Variants in PIP5K1C observed in about 807,000 individuals in gnomAD.
The protein encoded by PIP5K1C is phosphatidylinositol 4-phosphate 5-kinase type-1 gamma.
Under a neutral mutation model 80.1 loss-of-function variants are expected in PIP5K1C, and 45 were observed. The ratio of observed to expected loss-of-function variants is 0.56; its 90% CI spans 0.44 to 0.72. The LOEUF is 0.72. Ranked by LOEUF, PIP5K1C falls within the 30% of genes least tolerant of loss-of-function variation. The pLI is 0.00. For missense variants in PIP5K1C, 753 were observed against 954.6 expected, an observed-to-expected ratio of 0.79 and a Z score of 2.78; for synonymous variants, 498 against 420.1, an observed-to-expected ratio of 1.19 and a Z score of -2.27.
chr19:3,699,550 C>T (rs1272838269), intron 1 of PIP5K1C, among the ~76,000 whole-genome samples: 2 of 152,158 alleles, frequency 1.3e-5, no homozygotes, highest in Non-Finnish European at 2.9e-5. Context: ...TTTGTGAATC[C>T]GGAAACTTCC....
chr19:3,692,683 C>T lies in PIP5K1C; in HGVS notation c.94+7614G>A, dbSNP rs963132970. On this transcript the variant is annotated intron_variant, in intron 1 of 17. Transcript: ENST00000335312. The surrounding 1 kb of genome is among the most constrained non-coding windows in gnomAD (Gnocchi z 5.2). ...ACCCCATCTGTCCTCCCCACAGCAG[C>T]CACCAGGGGGTGCCTGTGAGCTCCT... Among the ~76,000 whole-genome samples, 52 of 152,040 alleles carry T rather than the reference C, an allele frequency of 3.4e-4. No homozygotes were observed. Among genetic ancestry groups the T allele is most frequent in the Admixed American group, 3.2e-3 (49 of 15,270 alleles).
intron 1 of PIP5K1C, among the ~76,000 whole-genome samples, chr19:3,667,589 A>G (rs111366710): frequency 8.1e-4 from 124 of 152,348 alleles, no homozygotes; most frequent in African/African-American, 2.9e-3. Flanking sequence ...ACTGGGGCCT[A>G]GAGCAGGGGA....
At position 3,652,496 on chromosome 19, in the gene PIP5K1C, G is replaced by A. The variant is rs576759276; in HGVS notation, c.922-465C>T. ...AGTTCTCAAAGGGGTCGGGGAGCTG[G>A]GGATGGTCAGCAGCGGGGCCTGGGT... is the stretch of plus-strand genomic sequence containing the variant. On this transcript the variant is annotated intron_variant, in intron 7 of 17. Coordinates refer to ENST00000335312, the MANE Select transcript of PIP5K1C (RefSeq NM_012398.3). Among the ~76,000 whole-genome samples the A allele has an allele frequency of 4.7e-4, 72 of 152,312 alleles. No individual in the cohort carries two copies. In the South Asian group the frequency reaches 4.8e-3, roughly 10 times the overall value.
chr19:3,645,942 C>T lies in PIP5K1C; in HGVS notation c.1345+32G>A, dbSNP rs373302676. Reference sequence around the variant, plus strand: ...CGGCGCTCTGGGCCTTCCCCAGGGTCCCTCCCGCCTTGCGGGGCTCAGGTG... The same window carrying T: ...CGGCGCTCTGGGCCTTCCCCAGGGTTCCTCCCGCCTTGCGGGGCTCAGGTG... On this transcript the variant is annotated intron_variant, in intron 11 of 17. Coordinates refer to ENST00000335312, the MANE Select transcript of PIP5K1C (RefSeq NM_012398.3). The T allele has an allele frequency of 4.8e-4, 757 of 1,566,412 alleles. 1 individual carries two copies. Among genetic ancestry groups the T allele is most frequent in the Non-Finnish European group, 6.3e-4 (720 of 1,137,200 alleles).
At chr19:3,672,787 G>A (rs530537668) in intron 1 of PIP5K1C, among the ~76,000 whole-genome samples, 5 of 152,284 alleles carry the variant, frequency 3.3e-5, no homozygotes, top group African/African-American at 1.2e-4. Context: ...GGCACCTGCA[G>A]GGCACTGTGA....
chr19:3,643,174 T>A, intron 13 of PIP5K1C, 69 bp downstream of exon 13: 2 of 1,601,440 alleles, frequency 1.2e-6, no homozygotes, highest in South Asian at 1.1e-5. Flanking sequence ...CCCGCCCACA[T>A]GCAGTGAATG....
intron 1 of PIP5K1C, among the ~76,000 whole-genome samples, chr19:3,695,955 T>C (rs1445559103): frequency 1.3e-5 from 2 of 152,074 alleles, no homozygotes; most frequent in Non-Finnish European, 2.9e-5. Flanking sequence ...GGTCTCAAAC[T>C]CCTGAGATCA....
At chr19:3,699,058 T>A (rs1174290889) in intron 1 of PIP5K1C, among the ~76,000 whole-genome samples, 4 of 151,410 alleles carry the variant, frequency 2.6e-5, no homozygotes, top group Non-Finnish European at 4.4e-5. Flanking sequence ...GCGGTGTGGT[T>A]TTCTTTTGGT....
rs1346528178 is a variant in PIP5K1C, at chr19:3,643,308, CAG to C, written c.1582_1583del (p.Leu528ValfsTer9). The part of the protein sequence containing the change: ...EATTASIATT[L>X]SSTSLSIPER... ...CAGGAATGGAGAGGGATGTGGATGA[CAG>C]AGTCGTGGCAATGGAGGCTGTAGTG... On this transcript the variant is annotated frameshift_variant, in exon 13 of 18. Coordinates refer to ENST00000335312, the MANE Select transcript of PIP5K1C (RefSeq NM_012398.3). LOFTEE classifies it high-confidence loss of function. The C allele has an allele frequency of 2.5e-6, 4 of 1,614,024 alleles. No homozygotes were observed. Among genetic ancestry groups the C allele is most frequent in the African/African-American group, 1.3e-5 (1 of 75,038 alleles).
rs2034519362 is a variant in PIP5K1C, at chr19:3,653,403, TCTC to T, written c.805_807del (p.Glu269del). ...AGGTCCTTGTAGGTGGGGAAGCTCTTCTCCTTCTCCTTCTTGCTGGCGCGCCGC... is the reference window on the plus strand; with the variant it reads ...AGGTCCTTGTAGGTGGGGAAGCTCTTCTTCTCCTTCTTGCTGGCGCGCCGC... On this transcript the variant is annotated inframe_deletion, in exon 7 of 18. Coordinates refer to ENST00000335312, the MANE Select transcript of PIP5K1C (RefSeq NM_012398.3). 2 of 1,613,188 alleles carry T rather than the reference TCTC, an allele frequency of 1.2e-6. No individual in the cohort carries two copies. Among genetic ancestry groups the T allele is most frequent in the Non-Finnish European group, 1.7e-6 (2 of 1,180,018 alleles).
intron 1 of PIP5K1C, among the ~76,000 whole-genome samples, chr19:3,691,251 G>C (rs952087350): frequency 6.6e-6 from 1 of 152,194 alleles, no homozygotes; most frequent in Non-Finnish European, 1.5e-5. Flanking sequence ...CGCGTCCTCC[G>C]CTGCCGGAAC....
intron 6 of PIP5K1C, among the ~76,000 whole-genome samples, chr19:3,654,333 C>T (rs1452162291): frequency 6.6e-6 from 1 of 152,230 alleles, no homozygotes. Context: ...TGCCCAGAGC[C>T]TCTCAATGAC....
chr19:3,631,127 T>C lies in PIP5K1C; in HGVS notation c.*2040A>G, dbSNP rs2033457434. 2 of 152,288 alleles carry C rather than the reference T, an allele frequency of 1.3e-5. No individual in the cohort carries two copies. Among genetic ancestry groups the C allele is most frequent in the Admixed American group, 1.3e-4 (2 of 15,290 alleles). 9.4% of individuals were successfully genotyped at this position (152,288 alleles called of 1,614,324 possible). On this transcript the variant is annotated 3_prime_UTR_variant, in exon 18 of 18. Coordinates refer to ENST00000335312, the MANE Select transcript of PIP5K1C (RefSeq NM_012398.3). Reference sequence around the variant, plus strand: ...CTGCAAAGGCGCGTCGGCCGGGCACTGGTGTCCCGTGTCACTCAGCGGAGG... The same window carrying C: ...CTGCAAAGGCGCGTCGGCCGGGCACCGGTGTCCCGTGTCACTCAGCGGAGG...
At chr19:3,642,815 G>A in intron 14 of PIP5K1C, 92 bp downstream of exon 14, 1 of 991,616 alleles carries the variant, frequency 1.0e-6, no homozygotes, top group Middle Eastern at 2.1e-4. Context: ...AGAATGGGCA[G>A]AGAGCAGAGG....
At chr19:3,666,797 GTGCACACACGCACGCAGGCAAACA>G (rs2035027402) in intron 2 of PIP5K1C, among the ~76,000 whole-genome samples, 1 of 150,334 alleles carries the variant, frequency 6.7e-6, no homozygotes, top group Admixed American at 6.6e-5. Context: ...ACACACAAAC[GTGCACACACGCACGCAGGCAAACA>G]TGCACACATA....
intron 17 of PIP5K1C, 26 bp downstream of exon 17, chr19:3,633,411 G>C: frequency 5.6e-6 from 8 of 1,416,996 alleles, no homozygotes; most frequent in Non-Finnish European, 7.5e-6. Flanking sequence ...CCACGGGACC[G>C]GCGGGTGCAC....
chr19:3,693,886 T>C lies in PIP5K1C; in HGVS notation c.94+6411A>G, dbSNP rs35730100. On this transcript the variant is annotated intron_variant, in intron 1 of 17. Coordinates refer to ENST00000335312, the MANE Select transcript of PIP5K1C (RefSeq NM_012398.3). Reference sequence around the variant, plus strand: ...CGAGACCCTCGCACCCTGGACAACATAGTGAGACCTCACCTCTACAAAAAA... The same window carrying C: ...CGAGACCCTCGCACCCTGGACAACACAGTGAGACCTCACCTCTACAAAAAA... Among the ~76,000 whole-genome samples, 526 of 152,136 alleles carry C rather than the reference T, an allele frequency of 3.5e-3. 2 individuals carry two copies. The highest frequency in any genetic ancestry group is 6.3e-3 in the Non-Finnish European group (431 of 67,982).
intron 1 of PIP5K1C, among the ~76,000 whole-genome samples, chr19:3,690,106 CTTTTT>C (rs113807797): frequency 6.8e-6 from 1 of 146,752 alleles, no homozygotes; most frequent in Non-Finnish European, 1.5e-5. Context: ...AGTCTGATTA[CTTTTT>C]TTTTTTTTAA....
In PIP5K1C at chr19:3,633,167, T is replaced by C. The variant is rs1350878522; in HGVS notation, c.2007A>G (p.Ter669=). 1.3e-6 allele frequency: 1 copy of C among 768,040 alleles called. No individual in the cohort carries two copies. Among genetic ancestry groups the C allele is most frequent in the Non-Finnish European group, 2.4e-6 (1 of 412,696 alleles). 47.6% of individuals were successfully genotyped at this position (768,040 alleles called of 1,614,324 possible). ...PPASDGESDT[*] is the part of the protein sequence containing the mutation. ...CTCTGGGTCGGGGGCTGCATAGAAA[T>C]TACTGCAAGAGCAAGAGGACAGGTG... The change falls in exon 18 of 18, where the codon TAA becomes TAG. Residue 669 remains the stop codon, a splice_region_variant and stop_retained_variant. Transcript: ENST00000335312.
Sources: gnomAD v4.1 joint callset for allele counts (sites outside exome capture counted in the v4.1 genomes callset) on GRCh38, gnomAD v4.1.1 for gene constraint, Gnocchi (gnomAD v3.1) non-coding constraint, MANE v1.5 for transcripts, NCBI Gene and HGNC (gene_info 2026-07-23, HGNC 2026-07-21) for gene names.